The following KCP variants were observed in gnomAD, a reference collection of about 807,000 sequenced individuals.
KCP encodes the protein kielin/chordin-like protein.
In KCP, 194 loss-of-function variants were observed where a neutral mutation model predicts 212.7. That is an observed-to-expected ratio of 0.91 (90% CI 0.81 to 1.03). The LOEUF (loss-of-function observed/expected upper bound fraction) is 1.03. Ranked by LOEUF, KCP falls within the 50% of genes least tolerant of loss-of-function variation. The probability of loss-of-function intolerance (pLI) is 0.00; values close to 1 mark genes in which losing one functional copy is unlikely to be tolerated. For missense variants in KCP, 2,080 were observed against 2,162.5 expected, an observed-to-expected ratio of 0.96 and a Z score of 0.76; for synonymous variants, 833 against 865.3, an observed-to-expected ratio of 0.96 and a Z score of 0.65.
intron 2 of KCP, among the ~76,000 whole-genome samples, 162 bp downstream of exon 2, chr7:128,908,251 GAAGAAAGAAAGAA>G (rs1232570772): frequency 9.9e-6 from 1 of 101,206 alleles, no homozygotes; most frequent in African/African-American, 3.9e-5. Context: ...AAGAAAGAAA[GAAGAAAGAAAGAA>G]AGAAAGAAAG....
chr7:128,884,035 G>C lies in KCP; in HGVS notation c.3211C>G (p.Pro1071Ala), dbSNP rs568065421. Residue 1071 changes from proline (P) to alanine (A), a missense_variant, in exon 29 of 40, where the codon CCT becomes GCT. Physicochemically the swap from Pro to Ala is conservative, Grantham distance 27. Transcript: ENST00000610776. ...VGCPPSQLLP[P>A]GPQHCCPTCA... ...GTGGGACAGCAGTGCTGGGGCCCAG[G>C]GGGCAGGAGCTGGCTGGGGGGGCAG... 6 of 1,547,988 alleles carry C rather than the reference G, an allele frequency of 3.9e-6. No homozygotes were observed. The Admixed American group carries it at 9.9e-5, about 26-fold the overall frequency.
Position 128,880,386 on chromosome 7 carries a change from G to A in KCP, c.3759C>T (p.Pro1253=), listed in dbSNP as rs533392898. ...SQRCSPLSCG[P]DKAPALSPGS... is the part of the protein sequence containing the mutation. ...CACCATTTTAGATTGCGGCACTCACGGGGCCACACGAGAGCGGTGAGCAGC... is the reference window on the plus strand; with the variant it reads ...CACCATTTTAGATTGCGGCACTCACAGGGCCACACGAGAGCGGTGAGCAGC... Residue 1253 remains proline (P), a splice_region_variant and synonymous_variant, in exon 34 of 40, where the codon CCC becomes CCT. Coordinates refer to ENST00000610776, the MANE Select transcript of KCP (RefSeq NM_001366122.1). The A allele has an allele frequency of 2.5e-5, 37 of 1,483,938 alleles. No homozygotes were observed. The highest frequency in any genetic ancestry group is 8.4e-5 in the African/African-American group (6 of 71,576). The allele number at this position is 1,483,938 out of a possible 1,614,324, so 91.9% of individuals were successfully genotyped here.
At chr7:128,890,205 C>G in intron 21 of KCP, 138 bp downstream of exon 21, 1 of 1,503,630 alleles carries the variant, frequency 6.7e-7, no homozygotes, top group Non-Finnish European at 9.0e-7. Context: ...CAGGCTTCAG[C>G]TAGGGCTCCC....
In KCP at chr7:128,888,407, TACACAC is replaced by T. The variant is rs1425019175; in HGVS notation, c.2512+450_2512+455del. 8.8e-5 allele frequency among the ~76,000 whole-genome samples: 6 copies of T among 68,084 alleles called. No homozygotes were observed. In the South Asian group the frequency reaches 2.7e-3, roughly 31 times the overall value. 44.7% of individuals were successfully genotyped at this position (68,084 alleles called of 152,430 possible). On this transcript the variant is annotated intron_variant, in intron 22 of 39. Transcript: ENST00000610776. The stretch of plus-strand genomic sequence containing the variant: ...ACACAGCCACACACAGATACACACA[TACACAC>T]ATACAGCAACACATACACACACATA...
Position 128,889,030 on chromosome 7 carries a change from T to C in KCP, c.2345A>G (p.Tyr782Cys), listed in dbSNP as rs773844341. The change falls in exon 22 of 40, where the codon TAC (tyrosine) becomes TGC (cysteine). Residue 782 changes from tyrosine (Y) to cysteine (C), a missense_variant. By Grantham distance (194) the Tyr-to-Cys change is radical. Coordinates refer to ENST00000610776, the MANE Select transcript of KCP (RefSeq NM_001366122.1). ...GTTACTCAGGTAGGACTCCCCCAGGTACTCACAGCCTTTCAGAGAAGAGAC... is the reference window on the plus strand; with the variant it reads ...GTTACTCAGGTAGGACTCCCCCAGGCACTCACAGCCTTTCAGAGAAGAGAC... ...DCCPDCDGCE[Y>C]LGESYLSNQE... The C allele has an allele frequency of 2.1e-5, 32 of 1,501,894 alleles. No individual in the cohort carries two copies. In the South Asian group the frequency reaches 4.0e-4, roughly 19 times the overall value. 93.0% of individuals were successfully genotyped at this position (1,501,894 alleles called of 1,614,324 possible). A position where few individuals can be genotyped will look rare whatever the true frequency, so the allele number is the denominator to read the frequency against.
At chr7:128,893,696 TG>T (rs1435790930) in intron 11 of KCP, 109 bp downstream of exon 11, 1 of 1,239,808 alleles carries the variant, frequency 8.1e-7, no homozygotes, top group Admixed American at 2.1e-5. Context: ...GGACTCACTT[TG>T]GGAACAGGGT....
intron 29 of KCP, 108 bp downstream of exon 29, chr7:128,883,894 A>C: frequency 7.5e-7 from 1 of 1,341,628 alleles, no homozygotes; most frequent in Non-Finnish European, 9.9e-7. Flanking sequence ...GTTCCAGAAC[A>C]GTCCACTGGA....
chr7:128,892,308 G>A (rs1794206976), intron 16 of KCP, among the ~76,000 whole-genome samples: 1 of 152,084 alleles, frequency 6.6e-6, no homozygotes, highest in Non-Finnish European at 1.5e-5. Flanking sequence ...AGGAGAGGGT[G>A]GTGTAGGTAC....
chr7:128,909,424 C>T (rs1311686030), intron 1 of KCP, among the ~76,000 whole-genome samples: 2 of 152,142 alleles, frequency 1.3e-5, no homozygotes, highest in African/African-American at 2.4e-5. Flanking sequence ...AACAATGTCA[C>T]CCACTGTCAC....
intron 8 of KCP, among the ~76,000 whole-genome samples, chr7:128,899,867 G>C (rs1794741161): frequency 6.6e-6 from 1 of 152,110 alleles, no homozygotes; most frequent in South Asian, 2.1e-4. Context: ...ATTCCTTAAG[G>C]AATCAAATTT....
At chr7:128,901,955 GC>G (rs1794873885) in intron 8 of KCP, among the ~76,000 whole-genome samples, 1 of 152,118 alleles carries the variant, frequency 6.6e-6, no homozygotes, top group African/African-American at 2.4e-5. Flanking sequence ...ACCCTTTGAG[GC>G]CTAAGTAAAC....
intron 8 of KCP, among the ~76,000 whole-genome samples, chr7:128,895,949 C>T (rs977943675): frequency 2.0e-5 from 3 of 152,190 alleles, no homozygotes; most frequent in African/African-American, 7.2e-5. Flanking sequence ...CCTTTACTTT[C>T]CTAATAAACT....
At chr7:128,889,748 GCAAGTGGCCAAAATGGC>G (rs1042904981) in intron 21 of KCP, among the ~76,000 whole-genome samples, 9 of 152,222 alleles carry the variant, frequency 5.9e-5, no homozygotes, top group African/African-American at 2.2e-4. Context: ...GTTGGTAAGG[GCAAGTGGCCAAAATGGC>G]CAAGATCGCA....
At position 128,891,162 on chromosome 7, in the gene KCP, C is replaced by T. The variant is rs536103155; in HGVS notation, c.1972+23G>A. ...CTCCGAGGGGACCCCCAGGGAGGAGCAGCCGAGGGGTGCGGCCCCTACCTG... is the reference window on the plus strand; with the variant it reads ...CTCCGAGGGGACCCCCAGGGAGGAGTAGCCGAGGGGTGCGGCCCCTACCTG... On this transcript the variant is annotated intron_variant, in intron 19 of 39. Coordinates refer to ENST00000610776, the MANE Select transcript of KCP (RefSeq NM_001366122.1). The T allele has an allele frequency of 7.8e-6, 12 of 1,539,668 alleles. No individual in the cohort carries two copies. The African/African-American group carries it at 1.5e-4, about 19-fold the overall frequency.
intron 13 of KCP, 24 bp from the exon 14 acceptor site, chr7:128,893,045 G>T: frequency 1.1e-6 from 1 of 881,042 alleles, no homozygotes; most frequent in Non-Finnish European, 1.9e-6. Context: ...GCTGTCACAT[G>T]GCAGCCTACA....
At chr7:128,877,901 T>G (rs1793091619) in intron 38 of KCP, 111 bp from the exon 39 acceptor site, 1 of 946,558 alleles carries the variant, frequency 1.1e-6, no homozygotes, top group Non-Finnish European at 1.5e-6. Context: ...CCCCAAAACC[T>G]CCCTAAAAGA....
intron 5 of KCP, 77 bp from the exon 6 acceptor site, chr7:128,904,215 C>G (rs1585253572): frequency 6.5e-7 from 1 of 1,527,334 alleles, no homozygotes; most frequent in Non-Finnish European, 8.9e-7. Context: ...AAGGCATGAC[C>G]CCAAGTAGGT....
At chr7:128,894,428 T>G in intron 8 of KCP, 135 bp from the exon 9 acceptor site, 1 of 648,784 alleles carries the variant, frequency 1.5e-6, no homozygotes, top group Non-Finnish European at 2.5e-6. Context: ...CAAATCCATA[T>G]GTTGAACTCC....
In KCP at chr7:128,887,252, T is replaced by C; in HGVS notation, c.2561A>G (p.Asp854Gly). 1.9e-6 allele frequency: 3 copies of C among 1,551,318 alleles called. No individual in the cohort carries two copies. The highest frequency in any genetic ancestry group is 1.7e-6 in the Non-Finnish European group (2 of 1,146,818). The stretch of plus-strand genomic sequence containing the variant: ...GAGGGAGCAGGTAGGGTCAAGTGGG[T>C]CAGGAAGGGTCTCTCCGGAGGCAGT... Reference protein sequence around the residue: ...VTTASGETLPDPLDPTCSLCT... With the variant: ...VTTASGETLPGPLDPTCSLCT... Residue 854 changes from aspartate (D) to glycine (G), a missense_variant, in exon 23 of 40, where the codon GAC (aspartate) becomes GGC (glycine). Coordinates refer to ENST00000610776, the MANE Select transcript of KCP (RefSeq NM_001366122.1).
Sources: allele counts gnomAD v4.1 joint callset (sites outside exome capture counted in the v4.1 genomes callset), GRCh38; gene constraint gnomAD v4.1.1; transcripts MANE v1.5; gene names NCBI Gene and HGNC (gene_info 2026-07-23, HGNC 2026-07-21).